SLIT2: variants seen among roughly 807,000 people sequenced by gnomAD.
The protein encoded by SLIT2 is slit guidance ligand 2.
SLIT2 carries 41 observed loss-of-function variants against 185.7 expected under a neutral mutation model. The observed-to-expected ratio is 0.22, with a 90% confidence interval of 0.17 to 0.29. SLIT2 has a LOEUF of 0.29. Ranked by LOEUF, SLIT2 falls within the 10% of genes least tolerant of loss-of-function variation. SLIT2 has a pLI of 1.00. For missense variants in SLIT2, 1,571 were observed against 1,909.0 expected (o/e 0.82, Z 3.30); for synonymous variants, 693 against 680.2 (o/e 1.02, Z -0.29).
At chr4:20,441,826 A>T (rs1215867453) in intron 4 of SLIT2, among the ~76,000 whole-genome samples, 1 of 152,072 alleles carries the variant, frequency 6.6e-6, no homozygotes, top group Non-Finnish European at 1.5e-5. Context: ...TACTTTAACC[A>T]TTTTATTCTC....
intron 4 of SLIT2, among the ~76,000 whole-genome samples, chr4:20,402,815 G>T (rs1409428498): frequency 6.6e-6 from 1 of 151,418 alleles, no homozygotes; most frequent in Non-Finnish European, 1.5e-5. Flanking sequence ...TACTTTTTTA[G>T]TATTAAACAA....
intron 34 of SLIT2, 60 bp from the exon 35 acceptor site, chr4:20,616,850 G>A: frequency 6.6e-7 from 1 of 1,520,776 alleles, no homozygotes; most frequent in Middle Eastern, 2.3e-4. Flanking sequence ...GTATTTCTGA[G>A]TAGCAAATGG....
At chr4:20,385,664 G>C (rs377698930) in intron 4 of SLIT2, among the ~76,000 whole-genome samples, 22 of 152,278 alleles carry the variant, frequency 1.4e-4, no homozygotes, top group Middle Eastern at 3.4e-3. Context: ...AAGGGTTGCT[G>C]TTTGCAAACC....
At chr4:20,360,407 A>G (rs1050863159) in intron 4 of SLIT2, among the ~76,000 whole-genome samples, 1 of 152,138 alleles carries the variant, frequency 6.6e-6, no homozygotes, top group African/African-American at 2.4e-5. Flanking sequence ...GACAAATGCA[A>G]GAGGGCTTTA....
chr4:20,256,081 C>T (rs1303897496), intron 1 of SLIT2, among the ~76,000 whole-genome samples: 1 of 152,162 alleles, frequency 6.6e-6, no homozygotes, highest in Non-Finnish European at 1.5e-5. Flanking sequence ...CAGCGGGGTT[C>T]CCTGAGCTGC....
At chr4:20,387,408 A>T (rs2109356603) in intron 4 of SLIT2, among the ~76,000 whole-genome samples, 1 of 151,210 alleles carries the variant, frequency 6.6e-6, no homozygotes, top group Admixed American at 6.6e-5. Flanking sequence ...GTTCTCAAAA[A>T]AAAACAGTGA....
chr4:20,400,191 A>G (rs1460641029), intron 4 of SLIT2, among the ~76,000 whole-genome samples: 4 of 151,818 alleles, frequency 2.6e-5, no homozygotes, highest in African/African-American at 7.2e-5. Flanking sequence ...TATAAATCCT[A>G]TAAGTCTTAT....
intron 4 of SLIT2, among the ~76,000 whole-genome samples, chr4:20,417,436 G>GTTTATATATATATATATA (rs1553898364): frequency 8.1e-6 from 1 of 123,678 alleles, no homozygotes; most frequent in Non-Finnish European, 1.8e-5. Context: ...ATGTGTGTGT[G>GTTTATATATATATATATA]TATATATATA....
Position 20,548,539 on chromosome 4 carries a change from C to A in SLIT2, c.2397C>A (p.Asn799Lys). The A allele has an allele frequency of 6.2e-7, 1 of 1,605,030 alleles. No homozygotes were observed. The highest frequency in any genetic ancestry group is 1.1e-5 in the South Asian group (1 of 90,882). Residue 799 changes from asparagine (N) to lysine (K), a missense_variant, in exon 23 of 37, where the codon AAC becomes AAA. By Grantham distance (94) the Asn-to-Lys change is moderately conservative. Transcript: ENST00000504154. ...CGCTTTCTAATCAGAGCTTCAGCAA[C>A]ATGACCCAGCTCCTCACCTTGTGAG... ...ISTLSNQSFS[N>K]MTQLLTLILS...
chr4:20,288,175 T>TA (rs1213313529), intron 4 of SLIT2, among the ~76,000 whole-genome samples: 1 of 152,174 alleles, frequency 6.6e-6, no homozygotes, highest in Non-Finnish European at 1.5e-5. Flanking sequence ...TCTGGGAATT[T>TA]AAAAAAACAG....
chr4:20,424,003 C>A (rs1371234593), intron 4 of SLIT2, among the ~76,000 whole-genome samples: 1 of 151,974 alleles, frequency 6.6e-6, no homozygotes, highest in Non-Finnish European at 1.5e-5. Flanking sequence ...AAGATTGATT[C>A]TTCTAGAAAA....
chr4:20,565,433 C>T (rs576511565), intron 26 of SLIT2, among the ~76,000 whole-genome samples: 1 of 152,084 alleles, frequency 6.6e-6, no homozygotes, highest in East Asian at 1.9e-4. Context: ...CTTTAGCAAA[C>T]TCAAAACCAT....
intron 4 of SLIT2, among the ~76,000 whole-genome samples, chr4:20,284,857 T>G (rs1715115278): frequency 6.6e-6 from 1 of 152,232 alleles, no homozygotes; most frequent in Non-Finnish European, 1.5e-5. Flanking sequence ...ACTACAAAGT[T>G]GAAATTGCTA....
chr4:20,576,579 T>C (rs1355566015), intron 29 of SLIT2, among the ~76,000 whole-genome samples: 1 of 152,178 alleles, frequency 6.6e-6, no homozygotes, highest in East Asian at 1.9e-4. Flanking sequence ...AAGGTCGTTA[T>C]AGTTGCGGAC....
At chr4:20,269,953 A>G (rs766176955) in intron 4 of SLIT2, among the ~76,000 whole-genome samples, 4 of 151,916 alleles carry the variant, frequency 2.6e-5, no homozygotes, top group Non-Finnish European at 4.4e-5. Flanking sequence ...GACATACCAG[A>G]TCTCTCCAGA....
intron 1 of SLIT2, among the ~76,000 whole-genome samples, chr4:20,256,219 A>G (rs1422473559): frequency 6.6e-6 from 1 of 152,026 alleles, no homozygotes; most frequent in Non-Finnish European, 1.5e-5. Flanking sequence ...TTTCGCCACC[A>G]TGCTACCTAA....
intron 6 of SLIT2, among the ~76,000 whole-genome samples, chr4:20,481,739 T>A (rs890126701): frequency 1.3e-5 from 2 of 152,070 alleles, no homozygotes; most frequent in African/African-American, 2.4e-5. Flanking sequence ...TGGAATATCA[T>A]TCTGAAAAAT....
At position 20,254,851 on chromosome 4, in the gene SLIT2, C is replaced by A; in HGVS notation, c.179+857C>A. The A allele has an allele frequency of 2.2e-6, 1 of 446,264 alleles. No individual in the cohort carries two copies. Among genetic ancestry groups the A allele is most frequent in the South Asian group, 1.6e-5 (1 of 62,668 alleles). 27.6% of individuals were successfully genotyped at this position (446,264 alleles called of 1,614,324 possible). The stretch of plus-strand genomic sequence containing the variant: ...TTCTGGCAGTTTCTGCGCCCCTTCA[C>A]GTGGCAGCAGTTCCCCTGCCTTCCC... On this transcript the variant is annotated intron_variant, in intron 1 of 36. Transcript: ENST00000504154. The surrounding 1 kb of genome is among the most constrained non-coding windows in gnomAD (Gnocchi z 5.1).
At chr4:20,455,883 T>A (rs960358639) in intron 4 of SLIT2, among the ~76,000 whole-genome samples, 3 of 152,304 alleles carry the variant, frequency 2.0e-5, no homozygotes, top group East Asian at 1.9e-4. Context: ...GTTTTACAGT[T>A]TTATTTATGA....
Sources: allele counts gnomAD v4.1 joint callset (sites outside exome capture counted in the v4.1 genomes callset), GRCh38; gene constraint gnomAD v4.1.1; non-coding constraint Gnocchi (gnomAD v3.1); transcripts MANE v1.5; gene names NCBI Gene and HGNC (gene_info 2026-07-23, HGNC 2026-07-21).